The following BCAS3 variants were observed in gnomAD, a reference collection of about 807,000 sequenced individuals.
BCAS3 encodes the protein BCAS4/BCAS3 fusion.
A neutral mutation model predicts 116.1 loss-of-function variants in BCAS3; 53 were observed. The ratio of observed to expected loss-of-function variants is 0.46; its 90% confidence interval spans 0.37 to 0.57. The LOEUF is 0.57. BCAS3 is among the 20% of genes least tolerant of loss of function. The pLI, the probability that BCAS3 is intolerant of heterozygous loss-of-function variation, is 0.00. For missense variants in BCAS3, 917 were observed against 1,165.4 expected, an observed-to-expected ratio of 0.79 and a Z score of 3.10; for synonymous variants, 391 against 408.2, an observed-to-expected ratio of 0.96 and a Z score of 0.51.
chr17:60,958,008 G>A (rs2061230867), intron 14 of BCAS3, among the ~76,000 whole-genome samples: 1 of 152,228 alleles, frequency 6.6e-6, no homozygotes, highest in African/African-American at 2.4e-5. Flanking sequence ...TTGAAAGATG[G>A]CAATCCCTGA....
chr17:60,889,877 T>C, intron 10 of BCAS3, 106 bp downstream of exon 10: 1 of 999,620 alleles, frequency 1.0e-6, no homozygotes. Context: ...ATAAATGTTT[T>C]ACTTACTAGT....
chr17:60,875,400 T>G (rs952627960), intron 9 of BCAS3, among the ~76,000 whole-genome samples: 12 of 152,028 alleles, frequency 7.9e-5, no homozygotes, highest in Non-Finnish European at 1.5e-5. Flanking sequence ...TGGAAAAAAA[T>G]GTAAACACAT....
intron 22 of BCAS3, among the ~76,000 whole-genome samples, chr17:61,247,223 C>G (rs1355157988): frequency 6.6e-6 from 1 of 152,042 alleles, no homozygotes; most frequent in Non-Finnish European, 1.5e-5. Context: ...TTTTAAAAAC[C>G]TGAACCATTT....
At chr17:61,110,698 G>A (rs1238382341) in intron 22 of BCAS3, among the ~76,000 whole-genome samples, 1 of 152,180 alleles carries the variant, frequency 6.6e-6, no homozygotes, top group Admixed American at 6.5e-5. Flanking sequence ...GCTTGCTTAG[G>A]TAAACAAAGC....
At chr17:61,081,413 C>A (rs1348762297) in intron 21 of BCAS3, among the ~76,000 whole-genome samples, 1 of 152,070 alleles carries the variant, frequency 6.6e-6, no homozygotes, top group Non-Finnish European at 1.5e-5. Flanking sequence ...TTTTCAGAAT[C>A]CTTAAGAATT....
At position 60,993,232 on chromosome 17, in the gene BCAS3, GA is replaced by G. The variant is rs1191570134; in HGVS notation, c.1486+2999del. On this transcript the variant is annotated intron_variant, in intron 15 of 23. Transcript: ENST00000407086. The surrounding 1 kb of genome is among the most constrained non-coding windows in gnomAD (Gnocchi z 4.2). Reference sequence around the variant, plus strand: ...AAATACCTTTCAATATACTTTTGTTGAAGGTTGCAAAGTGCCAGTCAATGAA... The same window carrying G: ...AAATACCTTTCAATATACTTTTGTTGAGGTTGCAAAGTGCCAGTCAATGAA... Among the ~76,000 whole-genome samples, 2 of 152,134 alleles carry G rather than the reference GA, an allele frequency of 1.3e-5. No individual in the cohort carries two copies. The highest frequency in any genetic ancestry group is 6.5e-5 in the Admixed American group (1 of 15,272).
intron 7 of BCAS3, among the ~76,000 whole-genome samples, chr17:60,838,028 C>G (rs1036188101): frequency 6.6e-6 from 1 of 151,800 alleles, no homozygotes; most frequent in Non-Finnish European, 1.5e-5. Context: ...TTATTTTTCC[C>G]ATGAAGGAAG....
chr17:61,140,767 A>C lies in BCAS3; in HGVS notation c.2425+56203A>C, dbSNP rs1302266498. On this transcript the variant is annotated intron_variant, in intron 22 of 23. Transcript: ENST00000407086. The surrounding 1 kb of genome is among the most constrained non-coding windows in gnomAD (Gnocchi z 4.2). ...ACATAGTTTATAGTTGTTACATAAA[A>C]CTTTCATGTTCTTTTCCTTATGAAA... Among the ~76,000 whole-genome samples, 2 of 152,150 alleles carry C rather than the reference A, an allele frequency of 1.3e-5. No homozygotes were observed. Among genetic ancestry groups the C allele is most frequent in the African/African-American group, 4.8e-5 (2 of 41,426 alleles).
chr17:60,730,919 T>C (rs1568121491), intron 5 of BCAS3, among the ~76,000 whole-genome samples: 1 of 152,172 alleles, frequency 6.6e-6, no homozygotes. Context: ...CAGCTTTCAG[T>C]AGAGCTGGCT....
intron 6 of BCAS3, among the ~76,000 whole-genome samples, chr17:60,803,036 A>G (rs1433950292): frequency 6.6e-6 from 1 of 152,042 alleles, no homozygotes; most frequent in Non-Finnish European, 1.5e-5. Flanking sequence ...TGTCCCAGAA[A>G]AGACTTACAA....
In BCAS3 at chr17:61,056,951, C is replaced by T. The variant is rs1046151938; in HGVS notation, c.2029+16059C>T. 2.6e-5 allele frequency among the ~76,000 whole-genome samples: 4 copies of T among 152,136 alleles called. No individual in the cohort carries two copies. Among genetic ancestry groups the T allele is most frequent in the Admixed American group, 6.5e-5 (1 of 15,274 alleles). On this transcript the variant is annotated intron_variant, in intron 19 of 23. Coordinates refer to ENST00000407086, the MANE Select transcript of BCAS3 (RefSeq NM_017679.5). This position sits in a 1 kb window ranked among gnomAD's most constrained non-coding sequence, Gnocchi z 4.9. ...TTGACAAATTGCTCACTAAATACAT[C>T]AAAATTGATTGGACCTTCTTTATTT...
In BCAS3 at chr17:61,004,018, A is replaced by G. The variant is rs994065520; in HGVS notation, c.1487-11733A>G. On this transcript the variant is annotated intron_variant, in intron 15 of 23. Transcript: ENST00000407086. The surrounding 1 kb of genome is among the most constrained non-coding windows in gnomAD (Gnocchi z 4.8). The stretch of plus-strand genomic sequence containing the variant: ...TCAGGGTGGGGTTGGGGTAATAAAG[A>G]GTTTCTGGCAATAAACTTAGAAGTT... 2.6e-5 allele frequency: 4 copies of G among 152,200 alleles called. No individual in the cohort carries two copies. Among genetic ancestry groups the G allele is most frequent in the Non-Finnish European group, 4.4e-5 (3 of 68,022 alleles). The allele number at this position is 152,200 out of a possible 1,614,324, so 9.4% of individuals were successfully genotyped here.
chr17:61,312,874 C>T (rs2054430416), intron 22 of BCAS3, among the ~76,000 whole-genome samples: 1 of 152,202 alleles, frequency 6.6e-6, no homozygotes, highest in Non-Finnish European at 1.5e-5. Flanking sequence ...CCCTTTCTCC[C>T]ACAAGATGGC....
chr17:60,845,188 C>T (rs1276876706), intron 7 of BCAS3, among the ~76,000 whole-genome samples: 1 of 152,176 alleles, frequency 6.6e-6, no homozygotes, highest in East Asian at 1.9e-4. Context: ...AAGATTGCGC[C>T]ATTGCACTCC....
intron 22 of BCAS3, among the ~76,000 whole-genome samples, chr17:61,169,498 C>A (rs971343814): frequency 4.6e-5 from 7 of 152,124 alleles, no homozygotes; most frequent in African/African-American, 1.7e-4. Flanking sequence ...GTCTCAAACT[C>A]CTGGCCTTAT....
intron 14 of BCAS3, among the ~76,000 whole-genome samples, chr17:60,950,129 A>G (rs1167607221): frequency 6.6e-6 from 1 of 151,942 alleles, no homozygotes; most frequent in African/African-American, 2.4e-5. Context: ...GATATTATTT[A>G]TTATTATTAG....
At position 61,133,289 on chromosome 17, in the gene BCAS3, T is replaced by G. The variant is rs527644696; in HGVS notation, c.2425+48725T>G. On this transcript the variant is annotated intron_variant, in intron 22 of 23. Transcript: ENST00000407086. ...CTAAGAAAAGGGTTGGGTAAGAACT[T>G]TCACACATACTTTGTTTCTATTGAG... Among the ~76,000 whole-genome samples, 68 of 152,306 alleles carry G rather than the reference T, an allele frequency of 4.5e-4. 3 individuals are homozygous for G. The South Asian group carries it at 0.013, about 30-fold the overall frequency.
chr17:60,911,123 C>CTTTTTTTTT (rs1162942971), intron 12 of BCAS3, among the ~76,000 whole-genome samples: 898 of 88,234 alleles, frequency 0.01, 61 homozygotes, highest in East Asian at 0.015. Flanking sequence ...TTTTTTCTTT[C>CTTTTTTTTT]TTTTTTTTTT....
intron 6 of BCAS3, among the ~76,000 whole-genome samples, chr17:60,767,782 T>C (rs1463122280): frequency 6.6e-6 from 1 of 152,060 alleles, no homozygotes. Context: ...TCGAGTTGCT[T>C]CTTCCAATTT....
Sources: allele counts gnomAD v4.1 joint callset (sites outside exome capture counted in the v4.1 genomes callset), GRCh38; gene constraint gnomAD v4.1.1; non-coding constraint Gnocchi (gnomAD v3.1); transcripts MANE v1.5; gene names NCBI Gene and HGNC (gene_info 2026-07-23, HGNC 2026-07-21).